The following SARNP variants were observed in gnomAD, a reference collection of about 807,000 sequenced individuals.
SARNP encodes the protein SAP domain containing ribonucleoprotein.
Under a neutral mutation model 38.1 loss-of-function variants are expected in SARNP, and 5 were observed. That is an observed-to-expected ratio of 0.13 (90% confidence interval 0.07 to 0.28). SARNP has a LOEUF of 0.28. Ranked by LOEUF, SARNP falls within the 10% of genes least tolerant of loss-of-function variation. The pLI is 1.00. For missense variants in SARNP, 180 were observed against 243.9 expected, an observed-to-expected ratio of 0.74 and a Z score of 1.75; for synonymous variants, 84 against 80.6, an observed-to-expected ratio of 1.04 and a Z score of -0.23.
chr12:55,807,019 T>C (rs1238816881), intron 1 of SARNP, among the ~76,000 whole-genome samples: 1 of 152,158 alleles, frequency 6.6e-6, no homozygotes, highest in African/African-American at 2.4e-5. Context: ...ACTTAAACTC[T>C]TGAACTCAAG....
At chr12:55,754,430 T>C (rs1479321860), downstream of SARNP, 2 of 152,218 alleles carry the variant, frequency 1.3e-5, no homozygotes, top group Non-Finnish European at 2.9e-5. Context: ...CTACAGCTTC[T>C]GGTCTGTAGT....
chr12:55,799,299 G>A (rs1879909003), intron 4 of SARNP, among the ~76,000 whole-genome samples: 1 of 152,198 alleles, frequency 6.6e-6, no homozygotes, highest in Non-Finnish European at 1.5e-5. Context: ...AATGTTCAAA[G>A]TTTAGGACTC....
At chr12:55,776,354 C>T (rs1294243350) in intron 9 of SARNP, among the ~76,000 whole-genome samples, 1 of 151,974 alleles carries the variant, frequency 6.6e-6, no homozygotes, top group Admixed American at 6.6e-5. Flanking sequence ...ATTACTTGAG[C>T]CTAGGAGGTG....
downstream of SARNP, chr12:55,753,136 CA>C (rs1197857544): frequency 6.6e-6 from 1 of 152,166 alleles, no homozygotes. Flanking sequence ...GTCCCAAAGA[CA>C]ACAAGACCCC....
rs561981969 is a variant in SARNP, at chr12:55,779,992, T to G, written c.501+9083A>C. On this transcript the variant is annotated intron_variant, in intron 9 of 10. Transcript: ENST00000336133. Reference sequence around the variant, plus strand: ...TGAGACCCTGTCTCCACAAAAAAATTGAAAAATTGACCGGGCGTGTTGGTC... The same window carrying G: ...TGAGACCCTGTCTCCACAAAAAAATGGAAAAATTGACCGGGCGTGTTGGTC... 9.3e-4 allele frequency among the ~76,000 whole-genome samples: 141 copies of G among 151,878 alleles called. 1 individual carries two copies. Among genetic ancestry groups the G allele is most frequent in the Non-Finnish European group, 1.2e-4 (8 of 67,946 alleles).
chr12:55,817,618 T>A, intron 1 of SARNP, 48 bp downstream of exon 1: 1 of 1,576,142 alleles, frequency 6.3e-7, no homozygotes, highest in South Asian at 1.1e-5. Flanking sequence ...CCCTGTAGAA[T>A]TCAGTTCCTA....
At chr12:55,799,540 C>T (rs1174260792) in intron 4 of SARNP, among the ~76,000 whole-genome samples, 2 of 145,060 alleles carry the variant, frequency 1.4e-5, no homozygotes, top group Non-Finnish European at 3.0e-5. Flanking sequence ...TACAAAACTC[C>T]TTTATATAGA....
chr12:55,760,078 G>A (rs1257897215), intron 10 of SARNP, among the ~76,000 whole-genome samples: 1 of 152,126 alleles, frequency 6.6e-6, no homozygotes, highest in Non-Finnish European at 1.5e-5. Context: ...GATTCCAAAC[G>A]TTATACTCTT....
chr12:55,801,241 G>A (rs548420107), intron 2 of SARNP, among the ~76,000 whole-genome samples: 1 of 152,290 alleles, frequency 6.6e-6, no homozygotes, highest in African/African-American at 2.4e-5. Context: ...GAGTTCAAGC[G>A]ACCAGCTTGG....
chr12:55,757,105 G>A (rs1878529605), downstream of SARNP: 1 of 154,126 alleles, frequency 6.5e-6, no homozygotes, highest in South Asian at 2.0e-4. Flanking sequence ...TATGACAGAA[G>A]GGAATAAACA....
At chr12:55,795,267 G>A (rs1467086776) in intron 5 of SARNP, among the ~76,000 whole-genome samples, 2 of 152,102 alleles carry the variant, frequency 1.3e-5, no homozygotes, top group East Asian at 1.9e-4. Context: ...GCCAAAGGTA[G>A]GTATCTTAAA....
intron 4 of SARNP, among the ~76,000 whole-genome samples, chr12:55,796,995 C>T (rs1037256354): frequency 8.6e-5 from 13 of 152,022 alleles, no homozygotes; most frequent in East Asian, 5.8e-4. Flanking sequence ...ACCACAGGGG[C>T]GGGAGACAAA....
intron 9 of SARNP, among the ~76,000 whole-genome samples, chr12:55,778,426 T>G (rs893235337): frequency 2.0e-5 from 3 of 152,178 alleles, no homozygotes; most frequent in African/African-American, 7.2e-5. Context: ...AGATTACAAG[T>G]GTGAGCCACT....
At chr12:55,796,000 T>TTC in intron 5 of SARNP, 25 bp downstream of exon 5, 1 of 1,531,752 alleles carries the variant, frequency 6.5e-7, no homozygotes. Context: ...GTAGAGACTG[T>TTC]TCTACTAGGG....
At chr12:55,798,507 T>C (rs942497043) in intron 4 of SARNP, among the ~76,000 whole-genome samples, 1 of 151,990 alleles carries the variant, frequency 6.6e-6, no homozygotes, top group Non-Finnish European at 1.5e-5. Flanking sequence ...CAAAAATAAA[T>C]AAATAAAGGG....
intron 1 of SARNP, among the ~76,000 whole-genome samples, chr12:55,806,606 C>G (rs1264208394): frequency 6.6e-6 from 1 of 152,236 alleles, no homozygotes; most frequent in African/African-American, 2.4e-5. Context: ...GAGTCTCGCT[C>G]TATCACCCAT....
intron 7 of SARNP, chr12:55,792,790 T>G (rs1217287014): frequency 6.6e-6 from 1 of 152,096 alleles, no homozygotes; most frequent in Non-Finnish European, 1.5e-5. Context: ...GCTTAAGAGA[T>G]ACTCCCACCC....
chr12:55,798,827 C>T (rs969020062), intron 4 of SARNP, among the ~76,000 whole-genome samples: 2 of 152,122 alleles, frequency 1.3e-5, no homozygotes, highest in African/African-American at 4.8e-5. Flanking sequence ...TTTGTATATA[C>T]TTGTAATTTC....
intron 9 of SARNP, among the ~76,000 whole-genome samples, chr12:55,783,955 A>C (rs765801912): frequency 2.6e-5 from 4 of 152,128 alleles, no homozygotes; most frequent in Non-Finnish European, 5.9e-5. Flanking sequence ...AATCAATCAT[A>C]AACATTATTC....
Sources: gnomAD v4.1 joint callset for allele counts (sites outside exome capture counted in the v4.1 genomes callset) on GRCh38, gnomAD v4.1.1 for gene constraint, MANE v1.5 for transcripts, NCBI Gene and HGNC (gene_info 2026-07-23, HGNC 2026-07-21) for gene names.